Variants in OR2L13 observed in about 807,000 individuals in gnomAD.
OR2L13 encodes the protein olfactory receptor 2L13.
Under a neutral mutation model 15.3 loss-of-function variants are expected in OR2L13, and 14 were observed. The ratio of observed to expected loss-of-function variants is 0.91; its 90% CI spans 0.60 to 1.43. OR2L13 has a LOEUF of 1.43. Ranked by LOEUF, OR2L13 falls within the 40% of genes most tolerant of loss-of-function variation. The pLI is 0.00. For missense variants in OR2L13, 367 were observed against 387.9 expected (o/e 0.95, Z 0.45); for synonymous variants, 152 against 142.9 (o/e 1.06, Z -0.45).
the OR2L13 span, among the ~76,000 whole-genome samples, chr1:247,982,166 TTTCTTTGAAAATAGTTTTG>T: frequency 6.6e-6 from 1 of 152,190 alleles, no homozygotes. Flanking sequence ...AATAATAATT[TTTCTTTGAAAATAGTTTTG>T]ATAAAACTGA....
At chr1:248,036,131 G>A in the OR2L13 span, among the ~76,000 whole-genome samples, 1 of 152,048 alleles carries the variant, frequency 6.6e-6, no homozygotes, top group African/African-American at 2.4e-5. Flanking sequence ...GAGAATTTTT[G>A]TATGGTATTG....
chr1:248,003,643 G>T, the OR2L13 span: 2 of 1,611,872 alleles, frequency 1.2e-6, no homozygotes, highest in African/African-American at 1.3e-5. Flanking sequence ...GCCCATCTAG[G>T]GTTATCAATC....
the OR2L13 span, among the ~76,000 whole-genome samples, chr1:248,054,989 A>G: frequency 2.0e-5 from 3 of 152,150 alleles, no homozygotes; most frequent in Non-Finnish European, 4.4e-5. Flanking sequence ...AATAAGAGTC[A>G]TGAGAGATTG....
chr1:248,067,128 T>C, the OR2L13 span, among the ~76,000 whole-genome samples: 1 of 152,354 alleles, frequency 6.6e-6, no homozygotes, highest in Admixed American at 6.5e-5. Context: ...TGATTAAACA[T>C]CTCATAAGTT....
At chr1:248,020,760 TA>T in the OR2L13 span, among the ~76,000 whole-genome samples, 2 of 152,034 alleles carry the variant, frequency 1.3e-5, no homozygotes, top group Middle Eastern at 3.2e-3. Context: ...TTGGAATTAT[TA>T]TTTTTTTATA....
At chr1:247,973,458 A>C in the OR2L13 span, among the ~76,000 whole-genome samples, 4 of 152,282 alleles carry the variant, frequency 2.6e-5, no homozygotes, top group East Asian at 7.7e-4. Context: ...ATGTGCAAAA[A>C]TCACTAGCAT....
chr1:247,967,040 A>ACTCAC, the OR2L13 span, among the ~76,000 whole-genome samples: 2 of 66,610 alleles, frequency 3.0e-5, no homozygotes, highest in Non-Finnish European at 8.0e-5. Flanking sequence ...CAAACACACC[A>ACTCAC]CACACCACAC....
At chr1:248,078,494 A>G in the OR2L13 span, among the ~76,000 whole-genome samples, 1 of 151,856 alleles carries the variant, frequency 6.6e-6, no homozygotes, top group Non-Finnish European at 1.5e-5. Context: ...ATACACACAC[A>G]CACACAAACT....
At chr1:248,100,324 TC>T in exon 3 of OR2L13, 1 of 1,455,446 alleles carries the variant, frequency 6.9e-7, no homozygotes, top group Non-Finnish European at 9.6e-7. Flanking sequence ...ATCATGGCCA[TC>T]CCCACTCCCT....
At chr1:248,084,763 C>T in the OR2L13 span, among the ~76,000 whole-genome samples, 4 of 152,018 alleles carry the variant, frequency 2.6e-5, no homozygotes, top group African/African-American at 7.2e-5. Context: ...ATTCAGGGAC[C>T]TCCAGAAAGG....
chr1:247,945,059 T>G, the OR2L13 span, among the ~76,000 whole-genome samples: 2 of 152,138 alleles, frequency 1.3e-5, no homozygotes, highest in Non-Finnish European at 2.9e-5. Context: ...CTCTGGGGTT[T>G]GTTTGCTCTT....
At chr1:248,015,583 A>C in the OR2L13 span, among the ~76,000 whole-genome samples, 1 of 152,124 alleles carries the variant, frequency 6.6e-6, no homozygotes, top group African/African-American at 2.4e-5. Flanking sequence ...AAGAAAGATC[A>C]CTTTCTGGAA....
the OR2L13 span, among the ~76,000 whole-genome samples, chr1:247,996,055 C>A: frequency 6.6e-6 from 1 of 152,186 alleles, no homozygotes; most frequent in Admixed American, 6.5e-5. Flanking sequence ...AATGCCATCC[C>A]CAAGCATCTC....
chr1:248,015,817 A>G, the OR2L13 span, among the ~76,000 whole-genome samples: 1 of 152,290 alleles, frequency 6.6e-6, no homozygotes, highest in Admixed American at 6.5e-5. Context: ...GCAAATGATC[A>G]TACCAACTTT....
chr1:247,970,883 G>A, the OR2L13 span, among the ~76,000 whole-genome samples: 1 of 152,190 alleles, frequency 6.6e-6, no homozygotes, highest in Non-Finnish European at 1.5e-5. Context: ...CATGCAGGAG[G>A]AGACAGGTCA....
the OR2L13 span, among the ~76,000 whole-genome samples, chr1:247,988,686 C>T: frequency 2.0e-5 from 3 of 152,038 alleles, no homozygotes; most frequent in African/African-American, 7.2e-5. Flanking sequence ...AGACTTCAGT[C>T]CTTTTAGGCA....
At chr1:248,003,920 C>T in the OR2L13 span, 1 of 1,612,886 alleles carries the variant, frequency 6.2e-7, no homozygotes, top group Non-Finnish European at 8.5e-7. Flanking sequence ...TCCAAGATCC[C>T]TGTAATCTCC....
the OR2L13 span, chr1:247,965,621 C>A: frequency 2.2e-5 from 34 of 1,556,686 alleles, no homozygotes; most frequent in Non-Finnish European, 2.6e-6. Context: ...CCCAAGATGG[C>A]AGTCAGCTTC....
chr1:247,998,333 G>A, the OR2L13 span, among the ~76,000 whole-genome samples: 3 of 152,036 alleles, frequency 2.0e-5, no homozygotes, highest in Non-Finnish European at 4.4e-5. Flanking sequence ...AAGAGATAGG[G>A]ATAAATTAGA....
Sources: allele counts gnomAD v4.1 joint callset (sites outside exome capture counted in the v4.1 genomes callset), GRCh38; gene constraint gnomAD v4.1.1; transcripts MANE v1.5; gene names NCBI Gene and HGNC (gene_info 2026-07-23, HGNC 2026-07-21).